Variants in USH2A observed in about 807,000 individuals in gnomAD.
USH2A encodes Usher syndrome 2A (autosomal recessive, mild).
A neutral mutation model predicts 538.9 loss-of-function variants in USH2A; 443 were observed. That is an observed-to-expected ratio of 0.82 (90% confidence interval 0.76 to 0.89). The LOEUF (loss-of-function observed/expected upper bound fraction) is 0.89. Ranked by LOEUF, USH2A falls within the 40% of genes least tolerant of loss-of-function variation. The pLI is 0.00. For synonymous variants in USH2A, 2,413 were observed against 2,273.5 expected, an observed-to-expected ratio of 1.06 and a Z score of -1.75; for missense variants, 6,633 against 6,324.8, an observed-to-expected ratio of 1.05 and a Z score of -1.65.
At chr1:216,157,634 CACAAAAAAGA>C (rs779031443) in intron 21 of USH2A, among the ~76,000 whole-genome samples, 75 of 152,078 alleles carry the variant, frequency 4.9e-4, no homozygotes, top group Non-Finnish European at 9.6e-4. Context: ...ACTACCCAAT[CACAAAAAAGA>C]ACAAAATCAT....
chr1:215,976,953 G>A (rs1267431412), intron 35 of USH2A, among the ~76,000 whole-genome samples: 3 of 150,726 alleles, frequency 2.0e-5, no homozygotes, highest in African/African-American at 7.3e-5. Flanking sequence ...TGTACATCTG[G>A]TGGAATTTGG....
At chr1:216,419,638 T>A (rs1422946550) in intron 2 of USH2A, among the ~76,000 whole-genome samples, 1 of 152,116 alleles carries the variant, frequency 6.6e-6, no homozygotes, top group Non-Finnish European at 1.5e-5. Context: ...CTCCATTAGA[T>A]CATTTAGATC....
intron 30 of USH2A, among the ~76,000 whole-genome samples, chr1:216,059,884 C>G (rs1466556550): frequency 6.6e-6 from 1 of 152,174 alleles, no homozygotes; most frequent in Non-Finnish European, 1.5e-5. Flanking sequence ...CAGAATCTAA[C>G]ACCATATTCC....
At chr1:216,235,923 C>T (rs553047831) in intron 13 of USH2A, among the ~76,000 whole-genome samples, 1 of 152,102 alleles carries the variant, frequency 6.6e-6, no homozygotes, top group Non-Finnish European at 1.5e-5. Context: ...CAACAAAAGA[C>T]TATCTTGGTA....
chr1:216,220,008 T>C (rs2035424189), intron 14 of USH2A, among the ~76,000 whole-genome samples: 1 of 152,168 alleles, frequency 6.6e-6, no homozygotes, highest in African/African-American at 2.4e-5. Context: ...TTCATATACC[T>C]TCCTTTCTTA....
chr1:216,197,477 T>C lies in USH2A; in HGVS notation c.4082-755A>G, dbSNP rs141856540. On this transcript the variant is annotated intron_variant, in intron 18 of 71. Coordinates refer to ENST00000307340, the MANE Select transcript of USH2A (RefSeq NM_206933.4). The stretch of plus-strand genomic sequence containing the variant: ...CCATGCCTCATCACTTGTGCTATCA[T>C]GGCTCTATTATTTGTCCAAGATGGC... Among the ~76,000 whole-genome samples, 122 of 152,274 alleles carry C rather than the reference T, an allele frequency of 8.0e-4. 1 individual carries two copies. In the East Asian group the frequency reaches 0.021, roughly 26 times the overall value.
chr1:216,301,395 C>A (rs1394113225), intron 9 of USH2A, among the ~76,000 whole-genome samples: 1 of 152,088 alleles, frequency 6.6e-6, no homozygotes, highest in African/African-American at 2.4e-5. Flanking sequence ...GAAGAAGTGC[C>A]TAGAAGGAGC....
intron 30 of USH2A, among the ~76,000 whole-genome samples, chr1:216,060,592 AT>A (rs2031144744): frequency 6.6e-6 from 1 of 152,228 alleles, no homozygotes; most frequent in Admixed American, 6.5e-5. Flanking sequence ...AAATATTACT[AT>A]TATTTATCAT....
chr1:216,265,774 T>C (rs1443331854), intron 11 of USH2A, among the ~76,000 whole-genome samples: 1 of 152,068 alleles, frequency 6.6e-6, no homozygotes, highest in Non-Finnish European at 1.5e-5. Flanking sequence ...GAAGACATTA[T>C]GTTAAGTGAA....
intron 61 of USH2A, among the ~76,000 whole-genome samples, chr1:215,705,417 A>C (rs536705044): frequency 2.0e-5 from 3 of 152,240 alleles, no homozygotes; most frequent in Non-Finnish European, 4.4e-5. Context: ...CGGTGCACAG[A>C]ACTCAAGTGA....
At chr1:216,117,212 G>A (rs1260548284) in intron 21 of USH2A, among the ~76,000 whole-genome samples, 1 of 152,098 alleles carries the variant, frequency 6.6e-6, no homozygotes, top group Non-Finnish European at 1.5e-5. Flanking sequence ...AAATGAACTA[G>A]TGTCCTCCTT....
At chr1:216,216,443 C>G (rs867457085) in intron 15 of USH2A, among the ~76,000 whole-genome samples, 3 of 152,178 alleles carry the variant, frequency 2.0e-5, no homozygotes, top group Admixed American at 1.3e-4. Flanking sequence ...CTCCCTCCCC[C>G]CTTAAATGTA....
chr1:216,273,481 T>C (rs1385692240), intron 11 of USH2A, among the ~76,000 whole-genome samples: 1 of 151,694 alleles, frequency 6.6e-6, no homozygotes, highest in East Asian at 1.9e-4. Flanking sequence ...TCATTGGCAA[T>C]GAAAAAAAAA....
intron 4 of USH2A, among the ~76,000 whole-genome samples, chr1:216,338,556 T>C (rs2038018483): frequency 1.3e-5 from 2 of 151,538 alleles, no homozygotes; most frequent in African/African-American, 4.8e-5. Flanking sequence ...ACTGATATAT[T>C]CGCCAATGTT....
chr1:215,722,092 G>A (rs529490763), intron 61 of USH2A, among the ~76,000 whole-genome samples: 212 of 146,838 alleles, frequency 1.4e-3, no homozygotes, highest in African/African-American at 5.0e-3. Context: ...AAAGGGTTAG[G>A]CCGACAAATA....
At chr1:216,148,606 A>G (rs2033763471) in intron 21 of USH2A, among the ~76,000 whole-genome samples, 1 of 152,090 alleles carries the variant, frequency 6.6e-6, no homozygotes, top group Non-Finnish European at 1.5e-5. Flanking sequence ...ATGGCCTTTT[A>G]AAGCCTATAA....
At chr1:215,861,706 T>C (rs1015137543) in intron 44 of USH2A, among the ~76,000 whole-genome samples, 1 of 152,288 alleles carries the variant, frequency 6.6e-6, no homozygotes, top group Middle Eastern at 3.4e-3. Flanking sequence ...CACAAACACA[T>C]ACTACTGGTA....
rs774653759 is a variant in USH2A at position 216,422,348 on chromosome 1, A to G, written c.-12T>C. On this transcript the variant is annotated 5_prime_UTR_variant, in exon 2 of 72. Transcript: ENST00000307340. The stretch of plus-strand genomic sequence containing the variant: ...ACTGGGCAATTCATGTTTACAAAAA[A>G]GCATTCTCCTCCTGATAAAGCATTT... 3.1e-6 allele frequency: 5 copies of G among 1,613,580 alleles called. No individual in the cohort carries two copies. Among genetic ancestry groups the G allele is most frequent in the Admixed American group, 1.7e-5 (1 of 59,922 alleles).
At chr1:215,679,708 T>C (rs917860440) in intron 62 of USH2A, among the ~76,000 whole-genome samples, 6 of 152,172 alleles carry the variant, frequency 3.9e-5, no homozygotes, top group African/African-American at 1.4e-4. Flanking sequence ...TGAGCTCTGT[T>C]TGAAGCATAA....
Sources: gnomAD v4.1 joint callset for allele counts (sites outside exome capture counted in the v4.1 genomes callset) on GRCh38, gnomAD v4.1.1 for gene constraint, MANE v1.5 for transcripts, NCBI Gene and HGNC (gene_info 2026-07-23, HGNC 2026-07-21) for gene names.